The following SNAPC4 variants were observed in gnomAD, a reference collection of about 807,000 sequenced individuals.
SNAPC4 encodes snRNA-activating protein complex subunit 4.
A neutral mutation model predicts 151.3 loss-of-function variants in SNAPC4; 127 were observed. That is an observed-to-expected ratio of 0.84 (90% CI 0.73 to 0.97). The LOEUF is 0.97. Among genes scored for constraint, SNAPC4 ranks in the 50% least tolerant of loss-of-function variants. The probability of loss-of-function intolerance (pLI) is 0.00; values close to 1 mark genes in which losing one functional copy is unlikely to be tolerated. For synonymous variants in SNAPC4, 1,002 were observed against 824.4 expected (o/e 1.22, Z -3.69); for missense variants, 2,186 against 1,935.0 (o/e 1.13, Z -2.43).
At chr9:136,384,876 C>G (rs1275670433) in intron 13 of SNAPC4, 62 bp from the exon 14 acceptor site, 2 of 875,450 alleles carry the variant, frequency 2.3e-6, no homozygotes, top group East Asian at 2.5e-5. Context: ...GCTGCTGCCC[C>G]AAGCTTCTTT....
rs1452967613 is a variant in SNAPC4, at chr9:136,378,227, G to A, written c.3600C>T (p.Pro1200=). Reference sequence around the variant, plus strand: ...AGGCTGGCAGCCTCCCGGACCAAGGGGGTTCTGCTTCAGGAGGGTCAGCGT... The same window carrying A: ...AGGCTGGCAGCCTCCCGGACCAAGGAGGTTCTGCTTCAGGAGGGTCAGCGT... The part of the protein sequence containing the change: ...SSHADPPEAE[P]PWSGRLPAFG... The change falls in exon 22 of 24, where the codon CCC becomes CCT. Residue 1200 remains proline, a synonymous_variant. Transcript: ENST00000684778. 5 of 1,611,604 alleles carry A rather than the reference G, an allele frequency of 3.1e-6. No individual in the cohort carries two copies. The highest frequency in any genetic ancestry group is 4.5e-5 in the East Asian group (2 of 44,844).
At position 136,376,397 on chromosome 9, in the gene SNAPC4, G is replaced by C; in HGVS notation, c.4369C>G (p.Arg1457Gly). ...DPDDLDVLRT[R>G]HARHTRKRRR... ...CGCTTCCGGGTGTGCCTGGCATGCCGGGTTCTGAGCACGTCCAGGTCGTCA... is the reference window on the plus strand; with the variant it reads ...CGCTTCCGGGTGTGCCTGGCATGCCCGGTTCTGAGCACGTCCAGGTCGTCA... The change falls in exon 23 of 24, where the codon CGG becomes GGG. Residue 1457 changes from arginine (R) to glycine (G), a missense_variant. Physicochemically the swap from Arg to Gly is moderately radical, Grantham distance 125. Coordinates refer to ENST00000684778, the MANE Select transcript of SNAPC4 (RefSeq NM_003086.4). The C allele has an allele frequency of 1.2e-6, 2 of 1,613,430 alleles. No homozygotes were observed. Among genetic ancestry groups the C allele is most frequent in the Non-Finnish European group, 1.7e-6 (2 of 1,179,960 alleles).
intron 13 of SNAPC4, among the ~76,000 whole-genome samples, chr9:136,386,561 A>C (rs572721086): frequency 6.6e-6 from 1 of 151,034 alleles, no homozygotes; most frequent in South Asian, 2.1e-4. Context: ...CAGCCTCCCG[A>C]GTAGCTGGGA....
rs1452628754 is a variant in SNAPC4 at position 136,378,223 on chromosome 9, A to G, written c.3604T>C (p.Trp1202Arg). The G allele has an allele frequency of 4.3e-6, 7 of 1,611,540 alleles. No individual in the cohort carries two copies. The African/African-American group carries it at 6.7e-5, about 15-fold the overall frequency. The change falls in exon 22 of 24, where the codon TGG becomes CGG. Residue 1202 changes from tryptophan (W) to arginine (R), a missense_variant. Coordinates refer to ENST00000684778, the MANE Select transcript of SNAPC4 (RefSeq NM_003086.4). Reference protein sequence around the residue: ...HADPPEAEPPWSGRLPAFGGV... With the variant: ...HADPPEAEPPRSGRLPAFGGV... ...CCGAAGGCTGGCAGCCTCCCGGACC[A>G]AGGGGGTTCTGCTTCAGGAGGGTCA...
chr9:136,392,336 G>GA (rs1165058452), intron 9 of SNAPC4, among the ~76,000 whole-genome samples, 186 bp downstream of exon 9: 10 of 152,188 alleles, frequency 6.6e-5, no homozygotes, highest in Non-Finnish European at 1.2e-4. Context: ...GCACCAGCCT[G>GA]AAGGCCCTCG....
In SNAPC4 at chr9:136,389,985, G is replaced by A. The variant is rs115636174; in HGVS notation, c.976-1394C>T. Among the ~76,000 whole-genome samples, 697 of 152,254 alleles carry A rather than the reference G, an allele frequency of 4.6e-3. 7 individuals are homozygous for A. Among genetic ancestry groups the A allele is most frequent in the African/African-American group, 0.016 (657 of 41,534 alleles). On this transcript the variant is annotated intron_variant, in intron 10 of 23. Coordinates refer to ENST00000684778, the MANE Select transcript of SNAPC4 (RefSeq NM_003086.4). ...GAGAAGCATGTCTGACTATGTGTTC[G>A]AAGGAGAAAAAGCCATTAATGGATG...
chr9:136,392,711 C>T lies in SNAPC4; in HGVS notation c.699G>A (p.Lys233=). The change falls in exon 8 of 24, where the codon AAG becomes AAA. Residue 233 remains lysine (K), a synonymous_variant. Transcript: ENST00000684778. ...TCTCCTTCTCGGCTTCCCTGCCCTG[C>T]TTCTCCAGGGCTTGCCTCTCCAGCT... ...SSELERQALE[K]QGREAEKEIQ... is the part of the protein sequence containing the mutation. The T allele has an allele frequency of 1.2e-6, 2 of 1,613,770 alleles. No homozygotes were observed. The highest frequency in any genetic ancestry group is 1.7e-6 in the Non-Finnish European group (2 of 1,180,018).
intron 2 of SNAPC4, among the ~76,000 whole-genome samples, 176 bp from the exon 3 acceptor site, chr9:136,397,199 A>C (rs1834304197): frequency 6.6e-6 from 1 of 152,170 alleles, no homozygotes; most frequent in Non-Finnish European, 1.5e-5. Flanking sequence ...CACTGGACCA[A>C]GGCCGGGTTA....
At chr9:136,386,679 C>T (rs1442811140) in intron 13 of SNAPC4, among the ~76,000 whole-genome samples, 5 of 152,164 alleles carry the variant, frequency 3.3e-5, no homozygotes, top group East Asian at 1.9e-4. Flanking sequence ...GGTGATCCGC[C>T]GGCCTCGGCC....
intron 6 of SNAPC4, 77 bp downstream of exon 6, chr9:136,394,723 G>T: frequency 7.5e-7 from 1 of 1,328,604 alleles, no homozygotes; most frequent in Non-Finnish European, 1.1e-6. Flanking sequence ...GAGAACTTGG[G>T]GAGAAACTGG....
At chr9:136,399,671 G>C (rs1040678227) in intron 1 of SNAPC4, among the ~76,000 whole-genome samples, 2 of 152,164 alleles carry the variant, frequency 1.3e-5, no homozygotes. Flanking sequence ...CCCCAGCTGC[G>C]GGGACGCCAC....
Position 136,383,167 on chromosome 9 carries a change from A to G in SNAPC4, c.1983+19T>C, listed in dbSNP as rs1234299874. ...GCCGAAAGTGCACTTCCCGTGGTAC[A>G]CCCAGGGCCGGGGCCTACCTCCAGG... On this transcript the variant is annotated intron_variant, in intron 16 of 23. Transcript: ENST00000684778. This position sits in a 1 kb window ranked among gnomAD's most constrained non-coding sequence, Gnocchi z 4.2. The G allele has an allele frequency of 6.6e-7, 1 of 1,517,494 alleles. No individual in the cohort carries two copies. The highest frequency in any genetic ancestry group is 8.8e-7 in the Non-Finnish European group (1 of 1,134,808). 94.0% of individuals were successfully genotyped at this position (1,517,494 alleles called of 1,614,324 possible).
At chr9:136,393,004 T>C (rs1834135081) in intron 7 of SNAPC4, among the ~76,000 whole-genome samples, 2 of 152,194 alleles carry the variant, frequency 1.3e-5, no homozygotes, top group Non-Finnish European at 2.9e-5. Context: ...GGCTACCGCC[T>C]GCTGGCCCCC....
chr9:136,384,659 C>T (rs1238967390), intron 14 of SNAPC4, 61 bp downstream of exon 14: 1 of 915,326 alleles, frequency 1.1e-6, no homozygotes, highest in Non-Finnish European at 1.7e-6. Context: ...ATCTTGATCT[C>T]TTTTCTAAGA....
At chr9:136,379,620 C>G (rs752538050) in intron 21 of SNAPC4, among the ~76,000 whole-genome samples, 10 of 152,226 alleles carry the variant, frequency 6.6e-5, no homozygotes, top group Admixed American at 5.9e-4. Flanking sequence ...GGGCCCCATG[C>G]TGGGGAAGCC....
At chr9:136,389,797 G>C (rs1183190522) in intron 10 of SNAPC4, among the ~76,000 whole-genome samples, 1 of 152,176 alleles carries the variant, frequency 6.6e-6, no homozygotes, top group African/African-American at 2.4e-5. Context: ...GTAGCTGAGA[G>C]CAGCAGCTCT....
In SNAPC4 at chr9:136,383,895, C is replaced by G; in HGVS notation, c.1500+58G>C. 1 of 1,470,708 alleles carries G rather than the reference C, an allele frequency of 6.8e-7. No individual in the cohort carries two copies. The highest frequency in any genetic ancestry group is 9.5e-7 in the Non-Finnish European group (1 of 1,051,350). The allele number at this position is 1,470,708 out of a possible 1,614,324, so 91.1% of individuals were successfully genotyped here. On this transcript the variant is annotated intron_variant, in intron 15 of 23. Transcript: ENST00000684778. This position sits in a 1 kb window ranked among gnomAD's most constrained non-coding sequence, Gnocchi z 4.2. ...CCCTCCCCTCCTCCTGCCTGCTGGA[C>G]CCCCCAGTTGACCAGGCCATTGTCT...
intron 11 of SNAPC4, 84 bp from the exon 12 acceptor site, chr9:136,387,932 G>A (rs911831619): frequency 4.9e-6 from 4 of 814,522 alleles, no homozygotes; most frequent in East Asian, 2.4e-5. Context: ...ACAGGGTCCC[G>A]TGGGGCCGAG....
In SNAPC4 at chr9:136,377,627, ACTCT is replaced by A. The variant is rs763422780; in HGVS notation, c.4196_4199del (p.Glu1399ValfsTer7). On this transcript the variant is annotated frameshift_variant, in exon 22 of 24. Transcript: ENST00000684778. LOFTEE classifies it high-confidence loss of function. Reference sequence around the variant, plus strand: ...GCTCACTCAGGAGGTCTTCATCCTCACTCTCAGAGCCCACCCTCGAAGGTACTGA... The same window carrying A: ...GCTCACTCAGGAGGTCTTCATCCTCACAGAGCCCACCCTCGAAGGTACTGA... 4 of 1,573,550 alleles carry A rather than the reference ACTCT, an allele frequency of 2.5e-6. No homozygotes were observed. Among genetic ancestry groups the A allele is most frequent in the South Asian group, 2.3e-5 (2 of 87,392 alleles).
Sources: gnomAD v4.1 joint callset for allele counts (sites outside exome capture counted in the v4.1 genomes callset) on GRCh38, gnomAD v4.1.1 for gene constraint, Gnocchi (gnomAD v3.1) non-coding constraint, MANE v1.5 for transcripts, NCBI Gene and HGNC (gene_info 2026-07-23, HGNC 2026-07-21) for gene names.